PTCD2: variants seen among roughly 807,000 people sequenced by gnomAD.
The protein encoded by PTCD2 is pentatricopeptide repeat domain 2, also known as pentatricopeptide repeat-containing protein 2, mitochondrial.
In PTCD2, 31 loss-of-function variants were observed where a neutral mutation model predicts 42.6. The ratio of observed to expected loss-of-function variants is 0.73; its 90% confidence interval spans 0.55 to 0.98. The LOEUF (loss-of-function observed/expected upper bound fraction) is 0.98. Ranked by LOEUF, PTCD2 falls within the 50% of genes least tolerant of loss-of-function variation. The pLI is 0.00. For missense variants in PTCD2, 476 were observed against 454.8 expected, an observed-to-expected ratio of 1.05 and a Z score of -0.42; for synonymous variants, 183 against 170.9, an observed-to-expected ratio of 1.07 and a Z score of -0.55.
At chr5:72,331,814 C>G (rs1751453430) in intron 4 of PTCD2, among the ~76,000 whole-genome samples, 2 of 152,172 alleles carry the variant, frequency 1.3e-5, no homozygotes, top group African/African-American at 2.4e-5. Context: ...TTCTGACTTT[C>G]TGTTCCTAAA....
chr5:72,326,138 T>C (rs886762465), intron 2 of PTCD2, among the ~76,000 whole-genome samples: 5 of 152,206 alleles, frequency 3.3e-5, no homozygotes, highest in Non-Finnish European at 7.4e-5. Context: ...GGGTCCACCA[T>C]TGTGGACAAA....
rs1334480218 is a variant in PTCD2, at chr5:72,367,110, C to T, written c.*8683C>T. On this transcript the variant is annotated 3_prime_UTR_variant, in exon 10 of 10. Coordinates refer to ENST00000380639, the MANE Select transcript of PTCD2 (RefSeq NM_024754.5). Reference sequence around the variant, plus strand: ...CCTTACTGTCTCTTCCTGCCATCATCAGGAATGACTAAATCTTGGAGCGTT... The same window carrying T: ...CCTTACTGTCTCTTCCTGCCATCATTAGGAATGACTAAATCTTGGAGCGTT... 1 of 152,214 alleles carries T rather than the reference C, an allele frequency of 6.6e-6. No individual in the cohort carries two copies. Among genetic ancestry groups the T allele is most frequent in the African/African-American group, 2.4e-5 (1 of 41,448 alleles). 9.4% of individuals were successfully genotyped at this position (152,214 alleles called of 1,614,324 possible). A position where few individuals can be genotyped will look rare whatever the true frequency, so the allele number is the denominator to read the frequency against.
In PTCD2 at chr5:72,331,271, A is replaced by T. The variant is rs1245558536; in HGVS notation, c.364A>T (p.Asn122Tyr). 6.2e-7 allele frequency: 1 copy of T among 1,612,296 alleles called. No homozygotes were observed. The highest frequency in any genetic ancestry group is 8.5e-7 in the Non-Finnish European group (1 of 1,178,502). ...TTTCATTACCAGGTACCATGCAGAG[A>T]ACAAAAATTTCACTTTGGGGGAGTA... The part of the protein sequence containing the change: ...KNVIYRYHAE[N>Y]KNFTLGEYKF... Residue 122 changes from asparagine (N) to tyrosine (Y), a missense_variant, in exon 4 of 10, where the codon AAC (asparagine) becomes TAC (tyrosine). By Grantham distance (143) the Asn-to-Tyr change is moderately radical (BLOSUM62 -2). Coordinates refer to ENST00000380639, the MANE Select transcript of PTCD2 (RefSeq NM_024754.5).
intron 8 of PTCD2, among the ~76,000 whole-genome samples, chr5:72,344,899 T>C (rs964411522): frequency 1.3e-5 from 2 of 151,962 alleles, no homozygotes; most frequent in African/African-American, 2.4e-5. Flanking sequence ...TATCACAAGG[T>C]AAATGGAGGC....
chr5:72,338,697 A>G lies in PTCD2; in HGVS notation c.715A>G (p.Arg239Gly). ...ALLKGEILSRRASCFAVALAL... is the reference protein window; with the variant it reads ...ALLKGEILSRGASCFAVALAL... ...ACTCAAAGGAGAAATTCTCTCCAGG[A>G]GAGCATCCTGTTTCGCTGTGGCATT... Residue 239 changes from arginine to glycine, a missense_variant, in exon 7 of 10, where the codon AGA (arginine) becomes GGA (glycine). Physicochemically the swap from Arg to Gly is moderately radical, Grantham distance 125. Coordinates refer to ENST00000380639, the MANE Select transcript of PTCD2 (RefSeq NM_024754.5). The G allele has an allele frequency of 1.2e-6, 2 of 1,612,912 alleles. No individual in the cohort carries two copies. The highest frequency in any genetic ancestry group is 1.7e-6 in the Non-Finnish European group (2 of 1,178,956).
chr5:72,331,796 G>A (rs1210249962), intron 4 of PTCD2, among the ~76,000 whole-genome samples: 5 of 152,052 alleles, frequency 3.3e-5, no homozygotes, highest in Admixed American at 1.3e-4. Context: ...AATACTTTCC[G>A]TCACATATTC....
intron 4 of PTCD2, among the ~76,000 whole-genome samples, chr5:72,334,504 C>T (rs1332429486): frequency 6.6e-6 from 1 of 152,082 alleles, no homozygotes; most frequent in African/African-American, 2.4e-5. Flanking sequence ...CTTGCTATAC[C>T]TCTCAGCATG....
intron 8 of PTCD2, among the ~76,000 whole-genome samples, chr5:72,348,451 G>A (rs1421420643): frequency 6.6e-6 from 1 of 152,184 alleles, no homozygotes; most frequent in Non-Finnish European, 1.5e-5. Flanking sequence ...TGACTTGATT[G>A]TTTTATTAAA....
rs188325790 is a variant in PTCD2 at position 72,364,840 on chromosome 5, T to C, written c.*6413T>C. 1 of 152,144 alleles carries C rather than the reference T, an allele frequency of 6.6e-6. No homozygotes were observed. The highest frequency in any genetic ancestry group is 1.9e-4 in the East Asian group (1 of 5,168). 9.4% of individuals were successfully genotyped at this position (152,144 alleles called of 1,614,324 possible). A position where few individuals can be genotyped will look rare whatever the true frequency, so the allele number is the denominator to read the frequency against. On this transcript the variant is annotated 3_prime_UTR_variant, in exon 10 of 10. Coordinates refer to ENST00000380639, the MANE Select transcript of PTCD2 (RefSeq NM_024754.5). ...TTGCAGTAATGTATCCGTGGGCGTT[T>C]CCCCCCAGACATTCGAAGCACACAG...
chr5:72,334,113 G>T (rs187828896), intron 4 of PTCD2, among the ~76,000 whole-genome samples: 4 of 151,858 alleles, frequency 2.6e-5, no homozygotes, highest in Non-Finnish European at 5.9e-5. Flanking sequence ...AAGTGATCCC[G>T]CCTCTCCCTC....
chr5:72,358,645 G>A lies in PTCD2; in HGVS notation c.*218G>A, dbSNP rs756010848. On this transcript the variant is annotated 3_prime_UTR_variant, in exon 10 of 10. Transcript: ENST00000380639. ...GCAAGCTTGGCTCCCTCAGAAAGGC[G>A]CTTCCCTTTTGCATGGCTGAGGATC... The A allele has an allele frequency of 6.7e-5, 38 of 567,502 alleles. No homozygotes were observed. Among genetic ancestry groups the A allele is most frequent in the East Asian group, 2.7e-4 (9 of 33,804 alleles). The allele number at this position is 567,502 out of a possible 1,614,324, so 35.2% of individuals were successfully genotyped here.
At position 72,362,471 on chromosome 5, in the gene PTCD2, G is replaced by C. The variant is rs1183527612; in HGVS notation, c.*4044G>C. On this transcript the variant is annotated 3_prime_UTR_variant, in exon 10 of 10. Transcript: ENST00000380639. Reference sequence around the variant, plus strand: ...TTATTTATAAGCCACCCAGTTTTTGGTATTTTGTTATAGCAGCCTGAAGAG... The same window carrying C: ...TTATTTATAAGCCACCCAGTTTTTGCTATTTTGTTATAGCAGCCTGAAGAG... The C allele has an allele frequency of 6.6e-6, 1 of 152,138 alleles. No individual in the cohort carries two copies. The highest frequency in any genetic ancestry group is 1.5e-5 in the Non-Finnish European group (1 of 68,032). 9.4% of individuals were successfully genotyped at this position (152,138 alleles called of 1,614,324 possible).
In PTCD2 at chr5:72,367,213, A is replaced by T. The variant is rs953474284; in HGVS notation, c.*8786A>T. The T allele has an allele frequency of 3.9e-5, 6 of 152,202 alleles. No individual in the cohort carries two copies. The highest frequency in any genetic ancestry group is 6.5e-5 in the Admixed American group (1 of 15,276). The allele number at this position is 152,202 out of a possible 1,614,324, so 9.4% of individuals were successfully genotyped here. ...TCTCTAAGAATAGGTCAAAGATGAA[A>T]TTCCCATTATCATGAAACTTTAATA... On this transcript the variant is annotated 3_prime_UTR_variant, in exon 10 of 10. Transcript: ENST00000380639.
chr5:72,344,132 AG>A (rs1162324380), intron 8 of PTCD2, among the ~76,000 whole-genome samples: 2 of 152,156 alleles, frequency 1.3e-5, no homozygotes, highest in African/African-American at 4.8e-5. Flanking sequence ...AGTGCTCTAG[AG>A]GAGGACAGGA....
chr5:72,335,797 C>G lies in PTCD2; in HGVS notation c.551C>G (p.Ala184Gly), dbSNP rs1751707090. The change falls in exon 6 of 10, where the codon GCT (alanine) becomes GGT (glycine). Residue 184 changes from alanine to glycine, a missense_variant. Ala to Gly is a moderately conservative substitution (Grantham distance 60). Coordinates refer to ENST00000380639, the MANE Select transcript of PTCD2 (RefSeq NM_024754.5). ...ATCCACTCTTCACTTTTGGCAGGTGCTTTGCAAGTATTGATAGAGATGAAA... is the reference window on the plus strand; with the variant it reads ...ATCCACTCTTCACTTTTGGCAGGTGGTTTGCAAGTATTGATAGAGATGAAA... The part of the protein sequence containing the change: ...MLFIKGKYKS[A>G]LQVLIEMKNQ... The G allele has an allele frequency of 6.2e-7, 1 of 1,611,274 alleles. No homozygotes were observed.
rs1753125463 is a variant in PTCD2 at position 72,362,877 on chromosome 5, C to T, written c.*4450C>T. On this transcript the variant is annotated 3_prime_UTR_variant, in exon 10 of 10. Coordinates refer to ENST00000380639, the MANE Select transcript of PTCD2 (RefSeq NM_024754.5). ...TGCTCATTACAGAGTGGCCAAATTCCTACTGAAGAATGGACTTGGTTGTGA... is the reference window on the plus strand; with the variant it reads ...TGCTCATTACAGAGTGGCCAAATTCTTACTGAAGAATGGACTTGGTTGTGA... 6.6e-6 allele frequency: 1 copy of T among 152,144 alleles called. No homozygotes were observed. The allele number at this position is 152,144 out of a possible 1,614,324, so 9.4% of individuals were successfully genotyped here. A position where few individuals can be genotyped will look rare whatever the true frequency, so the allele number is the denominator to read the frequency against.
intron 3 of PTCD2, among the ~76,000 whole-genome samples, chr5:72,327,272 A>G (rs1400655080): frequency 6.6e-6 from 1 of 151,834 alleles, no homozygotes; most frequent in Admixed American, 6.6e-5. Flanking sequence ...GTGGACTCCT[A>G]TTTTCCCTCC....
intron 9 of PTCD2, among the ~76,000 whole-genome samples, chr5:72,357,495 T>G (rs1375544341): frequency 3.9e-5 from 6 of 152,178 alleles, no homozygotes; most frequent in African/African-American, 7.2e-5. Context: ...TCTCTGCAAC[T>G]TTTTGAACAG....
intron 2 of PTCD2, among the ~76,000 whole-genome samples, chr5:72,325,112 G>A (rs991324443): frequency 6.6e-5 from 10 of 152,008 alleles, no homozygotes; most frequent in African/African-American, 1.9e-4. Flanking sequence ...TGGTAGAGAC[G>A]GGGTTTCACC....
Sources: allele counts gnomAD v4.1 joint callset (sites outside exome capture counted in the v4.1 genomes callset), GRCh38; gene constraint gnomAD v4.1.1; transcripts MANE v1.5; gene names NCBI Gene and HGNC (gene_info 2026-07-23, HGNC 2026-07-21).